Variants in TSHZ2 observed in about 807,000 individuals in gnomAD.
TSHZ2 encodes teashirt homolog 2.
TSHZ2 carries 21 observed loss-of-function variants against 74.4 expected under a neutral mutation model. That is an observed-to-expected ratio of 0.28 (90% CI 0.20 to 0.41). The LOEUF (loss-of-function observed/expected upper bound fraction) is 0.41. Among genes scored for constraint, TSHZ2 ranks in the 10% least tolerant of loss-of-function variants. TSHZ2 has a pLI of 1.00. For synonymous variants in TSHZ2, 540 were observed against 515.3 expected, an observed-to-expected ratio of 1.05 and a Z score of -0.65; for missense variants, 1,244 against 1,293.5, an observed-to-expected ratio of 0.96 and a Z score of 0.59.
intron 1 of TSHZ2, among the ~76,000 whole-genome samples, chr20:53,012,591 C>T (rs1012069644): frequency 6.6e-6 from 1 of 152,038 alleles, no homozygotes; most frequent in Non-Finnish European, 1.5e-5. Context: ...GGAAGGTTCG[C>T]TTCTCCATTT....
chr20:53,065,435 A>T (rs1264952299), intron 1 of TSHZ2, among the ~76,000 whole-genome samples: 2 of 152,226 alleles, frequency 1.3e-5, no homozygotes, highest in Non-Finnish European at 2.9e-5. Flanking sequence ...TTGGAAAAGC[A>T]TGAAAGGTTG....
At chr20:53,417,910 C>G (rs1412543131) in intron 2 of TSHZ2, among the ~76,000 whole-genome samples, 1 of 152,176 alleles carries the variant, frequency 6.6e-6, no homozygotes, top group Non-Finnish European at 1.5e-5. Context: ...GCTGGTCCTG[C>G]TTTGAGTGCT....
At chr20:53,359,715 C>T (rs914729975) in intron 2 of TSHZ2, among the ~76,000 whole-genome samples, 2 of 152,156 alleles carry the variant, frequency 1.3e-5, no homozygotes, top group African/African-American at 4.8e-5. Flanking sequence ...GAGAGAAGGC[C>T]ACTGTGGCTG....
chr20:53,053,337 T>C (rs562487053), intron 1 of TSHZ2, among the ~76,000 whole-genome samples: 1 of 152,244 alleles, frequency 6.6e-6, no homozygotes, highest in Non-Finnish European at 1.5e-5. Context: ...CCATTACTTT[T>C]GTTCCTTGCC....
chr20:53,154,989 G>GA (rs937434194), intron 1 of TSHZ2, among the ~76,000 whole-genome samples: 12 of 143,164 alleles, frequency 8.4e-5, no homozygotes, highest in Admixed American at 2.1e-4. Flanking sequence ...GATGTAAGTT[G>GA]AAAAAAAAAT....
rs750453219 is a variant in TSHZ2 at position 53,175,131 on chromosome 20, C to CTTTTTTTTTTTTT, written c.41-78352_41-78340dup. 1.1e-3 allele frequency among the ~76,000 whole-genome samples: 73 copies of CTTTTTTTTTTTTT among 63,640 alleles called. 2 individuals carry two copies. The highest frequency in any genetic ancestry group is 1.3e-3 in the Non-Finnish European group (48 of 37,556). 41.8% of individuals were successfully genotyped at this position (63,640 alleles called of 152,430 possible). ...CTCCTTCTCCTCCTTCTTCTTCTTT[C>CTTTTTTTTTTTTT]TTTTTTTTTTTTTTTTTTTTTTTTT... On this transcript the variant is annotated intron_variant, in intron 1 of 2. Transcript: ENST00000371497.
intron 1 of TSHZ2, among the ~76,000 whole-genome samples, chr20:53,217,341 CT>C (rs1989461570): frequency 6.6e-6 from 1 of 152,184 alleles, no homozygotes; most frequent in Non-Finnish European, 1.5e-5. Context: ...CGACAGCCCC[CT>C]GGCTCTAGGC....
At chr20:53,181,337 A>C (rs62208268) in intron 1 of TSHZ2, among the ~76,000 whole-genome samples, 9,329 of 152,286 alleles carry the variant, frequency 0.061, 394 homozygotes, top group Non-Finnish European at 0.097. Flanking sequence ...CAGCTCCAAG[A>C]AGAGTGTCTG....
chr20:53,208,148 C>T (rs1025456276), intron 1 of TSHZ2, among the ~76,000 whole-genome samples: 10 of 152,286 alleles, frequency 6.6e-5, no homozygotes, highest in African/African-American at 1.7e-4. Flanking sequence ...AAATCGCATT[C>T]GCCCTAAGAC....
At chr20:53,405,120 G>A (rs274859) in intron 2 of TSHZ2, among the ~76,000 whole-genome samples, 15,166 of 144,110 alleles carry the variant, frequency 0.11, 939 homozygotes, top group East Asian at 0.26. Context: ...GTGGTTGCGC[G>A]TACCTATAGT....
chr20:53,438,806 C>T (rs567911785), intron 2 of TSHZ2, among the ~76,000 whole-genome samples: 79 of 152,140 alleles, frequency 5.2e-4, no homozygotes, highest in Non-Finnish European at 7.4e-4. Context: ...ACAAAAATTA[C>T]GAAATTAGCC....
At chr20:53,037,977 G>A (rs115601635) in intron 1 of TSHZ2, among the ~76,000 whole-genome samples, 1,685 of 151,890 alleles carry the variant, frequency 0.011, 30 homozygotes, top group African/African-American at 0.039. Flanking sequence ...TCAGTCTGTC[G>A]CTCATGCTCG....
intron 1 of TSHZ2, among the ~76,000 whole-genome samples, chr20:53,220,953 C>T (rs143810832): frequency 1.3e-5 from 2 of 152,324 alleles, no homozygotes; most frequent in East Asian, 3.9e-4. Context: ...CCTTCTGATT[C>T]ATGAATGATA....
chr20:53,076,128 A>AT (rs1416827562), intron 1 of TSHZ2, among the ~76,000 whole-genome samples: 2 of 152,224 alleles, frequency 1.3e-5, no homozygotes, highest in Non-Finnish European at 2.9e-5. Context: ...AACACAAAGA[A>AT]TTTTTTGAAG....
intron 1 of TSHZ2, among the ~76,000 whole-genome samples, chr20:53,212,521 C>G (rs1054550481): frequency 6.6e-6 from 1 of 152,148 alleles, no homozygotes; most frequent in African/African-American, 2.4e-5. Flanking sequence ...AAAGGGAACT[C>G]TGAATTACTG....
At chr20:53,277,554 AACTT>A (rs1990972600) in intron 2 of TSHZ2, among the ~76,000 whole-genome samples, 1 of 152,118 alleles carries the variant, frequency 6.6e-6, no homozygotes, top group Admixed American at 6.5e-5. Flanking sequence ...ATGCCATCAA[AACTT>A]TGTTTTTCTC....
chr20:53,149,408 T>TA (rs759880652), intron 1 of TSHZ2, among the ~76,000 whole-genome samples: 22 of 152,102 alleles, frequency 1.4e-4, no homozygotes, highest in Non-Finnish European at 2.8e-4. Flanking sequence ...TGATTGCACT[T>TA]ACTGTCAACG....
chr20:53,253,545 AGAGGAG>A lies in TSHZ2; in HGVS notation c.99_104del (p.Glu33_Glu34del), dbSNP rs747508364. ...TGAAAGAAGAGGAGGAAATAAAAGA[AGAGGAG>A]GAGGAGGAGGACAGCGGTTCAGTAG... is the stretch of plus-strand genomic sequence containing the variant. On this transcript the variant is annotated inframe_deletion, in exon 2 of 3. Transcript: ENST00000371497. 6.2e-7 allele frequency: 1 copy of A among 1,613,104 alleles called. No homozygotes were observed. Among genetic ancestry groups the A allele is most frequent in the South Asian group, 1.1e-5 (1 of 90,954 alleles).
intron 2 of TSHZ2, among the ~76,000 whole-genome samples, chr20:53,483,849 A>T (rs1986222255): frequency 6.6e-6 from 1 of 152,226 alleles, no homozygotes; most frequent in South Asian, 2.1e-4. Context: ...AAACTCAGTT[A>T]GAAAAGTCTG....
Sources: allele counts gnomAD v4.1 joint callset (sites outside exome capture counted in the v4.1 genomes callset), GRCh38; gene constraint gnomAD v4.1.1; transcripts MANE v1.5; gene names NCBI Gene and HGNC (gene_info 2026-07-23, HGNC 2026-07-21).